Variants in SLC10A3 observed in about 807,000 individuals in gnomAD.
SLC10A3 encodes the protein P3 protein.
Under a neutral mutation model 1.9 loss-of-function variants are expected in SLC10A3, and 1 was observed. That is an observed-to-expected ratio of 0.52 (90% CI 0.19 to 2.48). The LOEUF (loss-of-function observed/expected upper bound fraction) is 2.48, where lower values mean the gene tolerates loss of function less well. Ranked by LOEUF, SLC10A3 falls within the 30% of genes most tolerant of loss-of-function variation. The pLI, the probability that SLC10A3 is intolerant of heterozygous loss-of-function variation, is 0.25. For synonymous variants in SLC10A3, 202 were observed against 189.3 expected (o/e 1.07, Z -0.55); for missense variants, 317 against 398.5 (o/e 0.80, Z 1.74).
Position 154,488,994 on chromosome X carries a change from C to G in SLC10A3, c.-54G>C. ...CCAGGCCCTCTGCGGCTTAGGAGAA[C>G]ATCCCCACTGGTGCTGTTGGGTTGT... On this transcript the variant is annotated 5_prime_UTR_variant, in exon 2 of 2. It removes an upstream start codon present in the reference 5' UTR. Coordinates refer to ENST00000651600, the MANE Select transcript of SLC10A3 (RefSeq NM_019848.5). 6.0e-6 allele frequency: 7 copies of G among 1,171,282 alleles called. No homozygotes were observed. Among genetic ancestry groups the G allele is most frequent in the Admixed American group, 2.5e-5 (1 of 39,384 alleles).
Position 154,489,906 on chromosome X carries a change from C to T in SLC10A3, c.-143+401G>A, listed in dbSNP as rs2069362361. The stretch of plus-strand genomic sequence containing the variant: ...CTCCCCTATCCCTAGCTTAGGATGA[C>T]ATGGCCTCTGCTGGCTTGAAGTTCG... On this transcript the variant is annotated intron_variant, in intron 1 of 1. Coordinates refer to ENST00000651600, the MANE Select transcript of SLC10A3 (RefSeq NM_019848.5). The T allele has an allele frequency of 2.9e-6, 3 of 1,042,230 alleles. No individual in the cohort carries two copies. The East Asian group carries it at 1.1e-4, about 40-fold the overall frequency. 85.9% of individuals were successfully genotyped at this position (1,042,230 alleles called of 1,213,427 possible).
rs1330436645 is a variant in SLC10A3, at chrX:154,490,290, C to G, written c.-143+17G>C. 2 of 809,671 alleles carry G rather than the reference C, an allele frequency of 2.5e-6. No individual in the cohort carries two copies. Among genetic ancestry groups the G allele is most frequent in the African/African-American group, 2.2e-5 (1 of 45,493 alleles). 66.7% of individuals were successfully genotyped at this position (809,671 alleles called of 1,213,427 possible). A position where few individuals can be genotyped will look rare whatever the true frequency, so the allele number is the denominator to read the frequency against. Reference sequence around the variant, plus strand: ...TGTTCGGGGTAACTGGCAGTGCTAACAGGGGCTCCTCCCTACCTGGGAGTC... The same window carrying G: ...TGTTCGGGGTAACTGGCAGTGCTAAGAGGGGCTCCTCCCTACCTGGGAGTC... On this transcript the variant is annotated intron_variant, in intron 1 of 1. Coordinates refer to ENST00000651600, the MANE Select transcript of SLC10A3 (RefSeq NM_019848.5).
chrX:154,487,818 C>A lies in SLC10A3; in HGVS notation c.1123G>T (p.Val375Phe). 1 of 1,211,152 alleles carries A rather than the reference C, an allele frequency of 8.3e-7. No homozygotes were observed. Among genetic ancestry groups the A allele is most frequent in the Non-Finnish European group, 1.1e-6 (1 of 895,431 alleles). ...AGCCGGATGCCTGCCAGGATGAAGA[C>A]CCCCATGCGATAGGCCAGGAAGAGG... ...GGLFLAYRMG[V>F]FILAGIRLPI... Residue 375 changes from valine to phenylalanine, a missense_variant, in exon 2 of 2, where the codon GTC becomes TTC. Coordinates refer to ENST00000651600, the MANE Select transcript of SLC10A3 (RefSeq NM_019848.5).
rs1476126565 is a variant in SLC10A3 at position 154,487,438 on chromosome X, A to G, written c.*69T>C. ...AAAAAAATAAGCCTGGATTTTTCTG[A>G]GTGCATAGTGCATGAGAACTTTGGT... On this transcript the variant is annotated 3_prime_UTR_variant, in exon 2 of 2. Transcript: ENST00000651600. 1.8e-6 allele frequency: 2 copies of G among 1,131,036 alleles called. No individual in the cohort carries two copies. Among genetic ancestry groups the G allele is most frequent in the African/African-American group, 3.7e-5 (2 of 54,553 alleles). 93.2% of individuals were successfully genotyped at this position (1,131,036 alleles called of 1,213,427 possible).
At chrX:154,489,314 C>T (rs1557214147) in intron 1 of SLC10A3, 1 of 753,237 alleles carries the variant, frequency 1.3e-6, no homozygotes, top group East Asian at 1.5e-4. Context: ...CTGTGGCTCC[C>T]TGGCCCACTC....
Position 154,487,411 on chromosome X carries a change from T to TAA in SLC10A3, c.*94_*95dup. ...TGAAAGCTGGAGAATAAAAAATCAG[T>TAA]AAAAAAAATAAGCCTGGATTTTTCT... On this transcript the variant is annotated 3_prime_UTR_variant, in exon 2 of 2. Transcript: ENST00000651600. The TAA allele has an allele frequency of 9.5e-7, 1 of 1,050,021 alleles. No homozygotes were observed. The highest frequency in any genetic ancestry group is 1.3e-6 in the Non-Finnish European group (1 of 783,153). The allele number at this position is 1,050,021 out of a possible 1,213,427, so 86.5% of individuals were successfully genotyped here.
intron 1 of SLC10A3, chrX:154,489,670 C>G (rs1557214226): frequency 1.3e-6 from 1 of 752,529 alleles, no homozygotes; most frequent in African/African-American, 2.3e-5. Flanking sequence ...GTCACATCAC[C>G]TGCTAGAACT....
At chrX:154,490,145 T>C in intron 1 of SLC10A3, 162 bp downstream of exon 1, 1 of 934,454 alleles carries the variant, frequency 1.1e-6, no homozygotes, top group Non-Finnish European at 1.3e-6. Context: ...CGGCTCTGAG[T>C]CACTCCAAGA....
rs369042679 is a variant in SLC10A3, at chrX:154,488,259, G to A, written c.682C>T (p.Leu228=). Reference sequence around the variant, plus strand: ...ACCAGAAACTGGCCCAGGAGGCCCAGCAGCATGGGCTGGGGGCTCTGCATG... The same window carrying A: ...ACCAGAAACTGGCCCAGGAGGCCCAACAGCATGGGCTGGGGGCTCTGCATG... ...GLMQSPQPML[L]GLLGQFLVMP... The change falls in exon 2 of 2, where the codon CTG becomes TTG. Residue 228 remains leucine, a synonymous_variant. Transcript: ENST00000651600. The A allele has an allele frequency of 8.3e-6, 10 of 1,209,935 alleles. No individual in the cohort carries two copies. The highest frequency in any genetic ancestry group is 1.1e-5 in the Non-Finnish European group (10 of 895,070).
Position 154,487,409 on chromosome X carries a change from A to T in SLC10A3, c.*98T>A, listed in dbSNP as rs1416949247. 5 of 1,048,813 alleles carry T rather than the reference A, an allele frequency of 4.8e-6. No individual in the cohort carries two copies. The African/African-American group carries it at 9.5e-5, about 20-fold the overall frequency. 86.4% of individuals were successfully genotyped at this position (1,048,813 alleles called of 1,213,427 possible). On this transcript the variant is annotated 3_prime_UTR_variant, in exon 2 of 2. Coordinates refer to ENST00000651600, the MANE Select transcript of SLC10A3 (RefSeq NM_019848.5). ...ACTGAAAGCTGGAGAATAAAAAATC[A>T]GTAAAAAAAATAAGCCTGGATTTTT...
chrX:154,490,054 C>A, intron 1 of SLC10A3: 1 of 990,865 alleles, frequency 1.0e-6, no homozygotes. Context: ...AGGACTGAAG[C>A]CACCGGGGTG....
At position 154,489,713 on chromosome X, in the gene SLC10A3, C is replaced by T. The variant is rs888427308; in HGVS notation, c.-143+594G>A. On this transcript the variant is annotated intron_variant, in intron 1 of 1. Transcript: ENST00000651600. Reference sequence around the variant, plus strand: ...CCAGGATGGAGACACAACAGCTTTACATCACCCCTGTCAGTTGCCTCATGC... The same window carrying T: ...CCAGGATGGAGACACAACAGCTTTATATCACCCCTGTCAGTTGCCTCATGC... The T allele has an allele frequency of 6.7e-6, 5 of 751,285 alleles. No individual in the cohort carries two copies. The African/African-American group carries it at 9.2e-5, about 14-fold the overall frequency. The allele number at this position is 751,285 out of a possible 1,213,427, so 61.9% of individuals were successfully genotyped here.
Position 154,488,276 on chromosome X carries a change from C to T in SLC10A3, c.665G>A (p.Ser222Asn), listed in dbSNP as rs1557213681. The change falls in exon 2 of 2, where the codon AGC (serine) becomes AAC (asparagine). Residue 222 changes from serine (S) to asparagine (N), a missense_variant. Transcript: ENST00000651600. ...GAGGCCCAGCAGCATGGGCTGGGGG[C>T]TCTGCATGAGCCCCTTCAGAACCTC... ...ELEVLKGLMQ[S>N]PQPMLLGLLG... 5 of 1,211,142 alleles carry T rather than the reference C, an allele frequency of 4.1e-6. No individual in the cohort carries two copies. Among genetic ancestry groups the T allele is most frequent in the Non-Finnish European group, 4.5e-6 (4 of 895,206 alleles).
At position 154,490,488 on chromosome X, in the gene SLC10A3, CG is replaced by C; in HGVS notation, c.-325del. On this transcript the variant is annotated 5_prime_UTR_variant, in exon 1 of 2. Coordinates refer to ENST00000651600, the MANE Select transcript of SLC10A3 (RefSeq NM_019848.5). The stretch of plus-strand genomic sequence containing the variant: ...GGCCCCGCCAGGCCTCGCAAACGCG[CG>C]GCGGCGGCGGCGGCCCTTCCCTGCC... 2 of 335,213 alleles carry C rather than the reference CG, an allele frequency of 6.0e-6. No individual in the cohort carries two copies. The highest frequency in any genetic ancestry group is 7.8e-6 in the Non-Finnish European group (2 of 256,572). The allele number at this position is 335,213 out of a possible 1,213,427, so 27.6% of individuals were successfully genotyped here.
chrX:154,487,431 T>A lies in SLC10A3; in HGVS notation c.*76A>T. Reference sequence around the variant, plus strand: ...ATCAGTAAAAAAAATAAGCCTGGATTTTTCTGAGTGCATAGTGCATGAGAA... The same window carrying A: ...ATCAGTAAAAAAAATAAGCCTGGATATTTCTGAGTGCATAGTGCATGAGAA... On this transcript the variant is annotated 3_prime_UTR_variant, in exon 2 of 2. Coordinates refer to ENST00000651600, the MANE Select transcript of SLC10A3 (RefSeq NM_019848.5). 1 of 1,126,458 alleles carries A rather than the reference T, an allele frequency of 8.9e-7. No individual in the cohort carries two copies. The highest frequency in any genetic ancestry group is 1.2e-6 in the Non-Finnish European group (1 of 839,801). 92.8% of individuals were successfully genotyped at this position (1,126,458 alleles called of 1,213,427 possible).
In SLC10A3 at chrX:154,488,133, T is replaced by TC. The variant is rs1557213591; in HGVS notation, c.807dup (p.Ser270GlufsTer45). The TC allele has an allele frequency of 2.5e-6, 3 of 1,206,842 alleles. No homozygotes were observed. ...CCAAGAAGGAGGCTGAAGAGGTAGCTCCCCCCGCCGCCAGGCGACGAGCAG... is the reference window on the plus strand; with the variant it reads ...CCAAGAAGGAGGCTGAAGAGGTAGCTCCCCCCCGCCGCCAGGCGACGAGCAG... On this transcript the variant is annotated frameshift_variant, in exon 2 of 2. Transcript: ENST00000651600. LOFTEE classifies it low-confidence loss of function (END_TRUNC).
rs782284955 is a variant in SLC10A3 at position 154,487,508 on chromosome X, C to T, written c.1433G>A (p.Ter478=). The change falls in exon 2 of 2, where the codon TGA becomes TAA. Residue 478 remains the stop codon, a stop_retained_variant. Coordinates refer to ENST00000651600, the MANE Select transcript of SLC10A3 (RefSeq NM_019848.5). ...FIYSSLFPVP[*] is the part of the protein sequence containing the mutation. Reference sequence around the variant, plus strand: ...TGATGAAAGCTTGACCCAGAGGCCTCAGGGAACTGGGAACAGGCTGCTGTA... The same window carrying T: ...TGATGAAAGCTTGACCCAGAGGCCTTAGGGAACTGGGAACAGGCTGCTGTA... 4.1e-6 allele frequency: 5 copies of T among 1,210,428 alleles called. No individual in the cohort carries two copies. The East Asian group carries it at 1.2e-4, about 29-fold the overall frequency.
chrX:154,490,528 C>A lies in SLC10A3; in HGVS notation c.-364G>T, dbSNP rs1244839870. ...CCCTTCCCTGCCAGGCCCGGCCGGG[C>A]GCCCGAGTGGGCGATCGCGGAGCAG... On this transcript the variant is annotated 5_prime_UTR_variant, in exon 1 of 2. Coordinates refer to ENST00000651600, the MANE Select transcript of SLC10A3 (RefSeq NM_019848.5). The A allele has an allele frequency of 3.8e-5, 7 of 185,594 alleles. No homozygotes were observed. Among genetic ancestry groups the A allele is most frequent in the Non-Finnish European group, 5.8e-5 (7 of 120,377 alleles). 15.3% of individuals were successfully genotyped at this position (185,594 alleles called of 1,213,427 possible).
Position 154,488,890 on chromosome X carries a change from C to T in SLC10A3, c.51G>A (p.Gly17=), listed in dbSNP as rs1557214041. The T allele has an allele frequency of 1.7e-6, 2 of 1,210,608 alleles. No homozygotes were observed. The highest frequency in any genetic ancestry group is 1.7e-5 in the African/African-American group (1 of 57,885). The change falls in exon 2 of 2, where the codon GGG becomes GGA. Residue 17 remains glycine, a synonymous_variant. Transcript: ENST00000651600. ...KGSSQQWPGL[G]GEGGGTGPLS... ...AGGGACCTGTGCCACCACCCTCGCC[C>T]CCCAGACCAGGCCACTGCTGAGAGC...
Sources: allele counts gnomAD v4.1 joint callset, GRCh38; gene constraint gnomAD v4.1.1; transcripts MANE v1.5; gene names NCBI Gene and HGNC (gene_info 2026-07-23, HGNC 2026-07-21).